Variants in GABRB1 observed in about 807,000 individuals in gnomAD.
GABRB1 encodes gamma-aminobutyric acid receptor subunit beta-1.
GABRB1 carries 17 observed loss-of-function variants against 51.6 expected under a neutral mutation model. The observed-to-expected ratio is 0.33, with a 90% CI of 0.23 to 0.49. The LOEUF is 0.49. Ranked by LOEUF, GABRB1 falls within the 20% of genes least tolerant of loss-of-function variation. The pLI, the probability that GABRB1 is intolerant of heterozygous loss-of-function variation, is 0.99. For synonymous variants in GABRB1, 247 were observed against 218.9 expected (o/e 1.13, Z -1.14); for missense variants, 410 against 600.6 (o/e 0.68, Z 3.32).
At chr4:47,308,782 A>T (rs1724561401) in intron 4 of GABRB1, among the ~76,000 whole-genome samples, 1 of 152,080 alleles carries the variant, frequency 6.6e-6, no homozygotes, top group Non-Finnish European at 1.5e-5. Context: ...AGAGCATTCC[A>T]TTCCAGGTAA....
intron 4 of GABRB1, among the ~76,000 whole-genome samples, chr4:47,305,989 C>T (rs1724453396): frequency 6.6e-6 from 1 of 152,030 alleles, no homozygotes; most frequent in African/African-American, 2.4e-5. Context: ...GCATGTCTTA[C>T]ACATGTGTGT....
intron 4 of GABRB1, among the ~76,000 whole-genome samples, chr4:47,250,149 G>T (rs1201396471): frequency 1.3e-5 from 2 of 152,140 alleles, no homozygotes; most frequent in African/African-American, 4.8e-5. Flanking sequence ...TGGCTTGTTT[G>T]TGGTGAATTC....
At chr4:47,004,357 T>A (rs1441760381) in intron 1 of GABRB1, among the ~76,000 whole-genome samples, 1 of 152,190 alleles carries the variant, frequency 6.6e-6, no homozygotes. Flanking sequence ...TAGGCATTGA[T>A]TCTAAGAAAA....
chr4:47,393,779 G>C (rs1728087610), intron 5 of GABRB1, among the ~76,000 whole-genome samples: 2 of 152,084 alleles, frequency 1.3e-5, no homozygotes, highest in South Asian at 4.1e-4. Context: ...AACTCCCTTG[G>C]GTCAATAGTT....
chr4:47,362,386 T>C (rs1337471476), intron 5 of GABRB1, among the ~76,000 whole-genome samples: 6 of 151,650 alleles, frequency 4.0e-5, no homozygotes, highest in Non-Finnish European at 8.8e-5. Context: ...GAGAGAAAAA[T>C]GGGATAGGTG....
intron 6 of GABRB1, 37 bp from the exon 7 acceptor site, chr4:47,403,522 A>G: frequency 6.2e-7 from 1 of 1,613,538 alleles, no homozygotes; most frequent in Non-Finnish European, 8.5e-7. Flanking sequence ...CCAACCAAAT[A>G]ATGGTCTGAT....
At chr4:47,010,396 C>A (rs375065810) in intron 1 of GABRB1, among the ~76,000 whole-genome samples, 115 of 152,180 alleles carry the variant, frequency 7.6e-4, no homozygotes, top group African/African-American at 2.4e-3. Context: ...AGATGAGAAC[C>A]TGAGGGGTTA....
chr4:47,364,090 T>G (rs1359738978), intron 5 of GABRB1, among the ~76,000 whole-genome samples: 1 of 152,194 alleles, frequency 6.6e-6, no homozygotes. Context: ...CAATAAAAAC[T>G]GCATGCATCA....
chr4:47,087,541 CTT>C (rs71654862), intron 3 of GABRB1, among the ~76,000 whole-genome samples: 6 of 139,594 alleles, frequency 4.3e-5, no homozygotes, highest in Admixed American at 1.4e-4. Flanking sequence ...TTAGCACTTT[CTT>C]TTTTTTTTTT....
intron 4 of GABRB1, among the ~76,000 whole-genome samples, chr4:47,304,610 C>A (rs556574725): frequency 6.6e-6 from 1 of 151,908 alleles, no homozygotes; most frequent in African/African-American, 2.4e-5. Context: ...GTTTTCTAAA[C>A]AAATTGCTTT....
intron 1 of GABRB1, among the ~76,000 whole-genome samples, chr4:46,999,574 A>C (rs1252467048): frequency 6.6e-6 from 1 of 152,234 alleles, no homozygotes; most frequent in Non-Finnish European, 1.5e-5. Context: ...ATATGTTTCA[A>C]TATAAATATA....
chr4:47,070,542 G>A (rs575932112), intron 3 of GABRB1, among the ~76,000 whole-genome samples: 1 of 152,054 alleles, frequency 6.6e-6, no homozygotes, highest in East Asian at 1.9e-4. Flanking sequence ...ATGTTGGCTA[G>A]GCTGTTCTCG....
intron 4 of GABRB1, among the ~76,000 whole-genome samples, chr4:47,211,393 A>C (rs993396240): frequency 3.9e-5 from 6 of 152,338 alleles, no homozygotes; most frequent in Admixed American, 6.5e-5. Flanking sequence ...CTTGTGTATT[A>C]GGTATTATTA....
chr4:47,170,426 C>A (rs774122351), intron 4 of GABRB1, among the ~76,000 whole-genome samples: 2 of 151,788 alleles, frequency 1.3e-5, no homozygotes, highest in African/African-American at 4.8e-5. Context: ...CACGCACACA[C>A]GCACACACAC....
chr4:47,413,264 T>C (rs1249241556), intron 8 of GABRB1, among the ~76,000 whole-genome samples: 1 of 152,226 alleles, frequency 6.6e-6, no homozygotes, highest in Admixed American at 6.5e-5. Context: ...GTATCAATTT[T>C]ATAAACTTCT....
chr4:47,401,339 G>A (rs1311538618), intron 5 of GABRB1, among the ~76,000 whole-genome samples: 4 of 152,176 alleles, frequency 2.6e-5, no homozygotes, highest in Admixed American at 1.3e-4. Flanking sequence ...ACAGTATGGC[G>A]ATTTCTCAGC....
At chr4:47,151,979 T>A (rs2109718738) in intron 3 of GABRB1, among the ~76,000 whole-genome samples, 1 of 152,116 alleles carries the variant, frequency 6.6e-6, no homozygotes, top group Admixed American at 6.6e-5. Context: ...TATTTATTAA[T>A]ATTTTGTATA....
chr4:47,025,007 C>A (rs951703056), intron 1 of GABRB1, among the ~76,000 whole-genome samples: 2 of 143,262 alleles, frequency 1.4e-5, no homozygotes, highest in Admixed American at 1.4e-4. Context: ...TGCCATTCAA[C>A]CCATTTGTGG....
At position 47,100,206 on chromosome 4, in the gene GABRB1, T is replaced by G. The variant is rs1044983162; in HGVS notation, c.241-61043T>G. 7.4e-5 allele frequency among the ~76,000 whole-genome samples: 11 copies of G among 148,394 alleles called. No homozygotes were observed. In the East Asian group the frequency reaches 2.1e-3, roughly 29 times the overall value. ...ATTTCTAGAAGAAATCTTAAGGAAA[T>G]GTTTAATCACATTTTGAGGATAATA... On this transcript the variant is annotated intron_variant, in intron 3 of 8. Transcript: ENST00000295454.
Sources: allele counts gnomAD v4.1 joint callset (sites outside exome capture counted in the v4.1 genomes callset), GRCh38; gene constraint gnomAD v4.1.1; transcripts MANE v1.5; gene names NCBI Gene and HGNC (gene_info 2026-07-23, HGNC 2026-07-21).